The following GALNTL6 variants were observed in gnomAD, a reference collection of about 807,000 sequenced individuals.
The protein encoded by GALNTL6 is polypeptide N-acetylgalactosaminyltransferase like 6, also known as polypeptide N-acetylgalactosaminyltransferase-like 6.
In GALNTL6, 46 loss-of-function variants were observed where a neutral mutation model predicts 73.7. The ratio of observed to expected loss-of-function variants is 0.62; its 90% CI spans 0.49 to 0.80. GALNTL6 has a LOEUF of 0.80. GALNTL6 is among the 30% of genes least tolerant of loss of function. The pLI is 0.00. For synonymous variants in GALNTL6, 259 were observed against 263.7 expected (o/e 0.98, Z 0.17); for missense variants, 604 against 755.0 (o/e 0.80, Z 2.34).
At chr4:172,196,357 T>C (rs1735770492) in intron 2 of GALNTL6, among the ~76,000 whole-genome samples, 1 of 152,198 alleles carries the variant, frequency 6.6e-6, no homozygotes, top group Non-Finnish European at 1.5e-5. Flanking sequence ...AGCTGAATTC[T>C]ACCAGAGGTA....
At chr4:172,662,205 G>A (rs557621899) in intron 5 of GALNTL6, among the ~76,000 whole-genome samples, 1 of 152,344 alleles carries the variant, frequency 6.6e-6, no homozygotes, top group East Asian at 1.9e-4. Flanking sequence ...CTGAAAAGAA[G>A]AGGGATCATT....
At chr4:172,914,763 C>T (rs1747409559) in intron 8 of GALNTL6, among the ~76,000 whole-genome samples, 1 of 152,122 alleles carries the variant, frequency 6.6e-6, no homozygotes, top group Admixed American at 6.5e-5. Flanking sequence ...TCCTTAGAGA[C>T]CTACAAAGAG....
intron 7 of GALNTL6, among the ~76,000 whole-genome samples, chr4:172,867,936 A>G (rs536601050): frequency 6.6e-6 from 1 of 152,332 alleles, no homozygotes; most frequent in East Asian, 1.9e-4. Flanking sequence ...ACATAAATTG[A>G]TGCACGGGCA....
chr4:171,909,996 T>G (rs1241076186), intron 2 of GALNTL6, among the ~76,000 whole-genome samples: 1 of 152,184 alleles, frequency 6.6e-6, no homozygotes. Flanking sequence ...GTGAAGATTT[T>G]TAATATATCA....
At chr4:172,360,936 A>T (rs1345100603) in intron 5 of GALNTL6, among the ~76,000 whole-genome samples, 2 of 152,134 alleles carry the variant, frequency 1.3e-5, no homozygotes, top group Non-Finnish European at 2.9e-5. Flanking sequence ...TCCTGCACAG[A>T]AGTTTGCATT....
intron 7 of GALNTL6, among the ~76,000 whole-genome samples, chr4:172,837,524 T>G (rs942405267): frequency 6.6e-6 from 1 of 152,216 alleles, no homozygotes; most frequent in African/African-American, 2.4e-5. Context: ...CAAAGTGTAT[T>G]TCCTTAGATA....
intron 2 of GALNTL6, among the ~76,000 whole-genome samples, chr4:172,007,547 C>G (rs115501068): frequency 0.024 from 3,600 of 152,038 alleles, 116 homozygotes; most frequent in African/African-American, 0.07. Context: ...ACAACAATAT[C>G]GATCATTCAA....
chr4:172,604,260 A>G (rs1440330036), intron 5 of GALNTL6, among the ~76,000 whole-genome samples: 3 of 152,186 alleles, frequency 2.0e-5, no homozygotes, highest in East Asian at 3.9e-4. Context: ...TTGCTTCAAT[A>G]TATGTACTTA....
chr4:171,892,937 G>A (rs942354095), intron 2 of GALNTL6, among the ~76,000 whole-genome samples: 1 of 152,068 alleles, frequency 6.6e-6, no homozygotes, highest in Non-Finnish European at 1.5e-5. Context: ...CCCTGCTGGA[G>A]TGTATGGCCC....
chr4:172,199,085 C>A (rs754102836), intron 2 of GALNTL6, among the ~76,000 whole-genome samples: 4 of 152,110 alleles, frequency 2.6e-5, no homozygotes. Flanking sequence ...CTGTTGGATT[C>A]CTTGAGAGCA....
chr4:171,832,565 A>G (rs925325195), intron 2 of GALNTL6, among the ~76,000 whole-genome samples: 1 of 151,546 alleles, frequency 6.6e-6, no homozygotes, highest in Non-Finnish European at 1.5e-5. Context: ...AACAATAGGC[A>G]TGTGAATACA....
chr4:172,057,051 G>T (rs1246635186), intron 2 of GALNTL6, among the ~76,000 whole-genome samples: 1 of 152,020 alleles, frequency 6.6e-6, no homozygotes, highest in Non-Finnish European at 1.5e-5. Context: ...ATCTTTAAAA[G>T]AATTTATTTT....
chr4:172,008,342 T>G (rs897916430), intron 2 of GALNTL6, among the ~76,000 whole-genome samples: 4 of 152,146 alleles, frequency 2.6e-5, no homozygotes, highest in African/African-American at 9.6e-5. Flanking sequence ...ATGAGCTAAG[T>G]TGTTCAAGGG....
At chr4:171,841,713 T>C (rs1735242873) in intron 2 of GALNTL6, among the ~76,000 whole-genome samples, 1 of 104,564 alleles carries the variant, frequency 9.6e-6, no homozygotes, top group Non-Finnish European at 2.6e-5. Flanking sequence ...ATTATTTAAA[T>C]CAAAATGGTT....
intron 2 of GALNTL6, among the ~76,000 whole-genome samples, chr4:171,852,397 T>C (rs1383812764): frequency 6.6e-6 from 1 of 152,136 alleles, no homozygotes; most frequent in Non-Finnish European, 1.5e-5. Flanking sequence ...GTGCATTGCT[T>C]AAAGAAACTT....
intron 5 of GALNTL6, among the ~76,000 whole-genome samples, chr4:172,716,046 T>G (rs1015130721): frequency 6.6e-6 from 1 of 152,208 alleles, no homozygotes; most frequent in African/African-American, 2.4e-5. Flanking sequence ...TGTAGCAATT[T>G]GGCAGTTTTG....
chr4:171,872,268 T>TA (rs1286437810), intron 2 of GALNTL6, among the ~76,000 whole-genome samples: 1 of 152,200 alleles, frequency 6.6e-6, no homozygotes, highest in African/African-American at 2.4e-5. Context: ...AACTATGGCC[T>TA]AAGCCAGGTA....
intron 5 of GALNTL6, among the ~76,000 whole-genome samples, chr4:172,676,295 G>A (rs1308926251): frequency 1.3e-5 from 2 of 152,184 alleles, no homozygotes; most frequent in Non-Finnish European, 2.9e-5. Flanking sequence ...TTTCCAATTG[G>A]AAGACTTTTC....
chr4:172,314,081 CA>C (rs1011396043), intron 4 of GALNTL6, among the ~76,000 whole-genome samples: 5 of 152,152 alleles, frequency 3.3e-5, no homozygotes, highest in African/African-American at 1.2e-4. Flanking sequence ...CATTTAACCA[CA>C]AGAGTATGCA....
Sources: allele counts gnomAD v4.1 joint callset (sites outside exome capture counted in the v4.1 genomes callset), GRCh38; gene constraint gnomAD v4.1.1; transcripts MANE v1.5; gene names NCBI Gene and HGNC (gene_info 2026-07-23, HGNC 2026-07-21).